The following TOP1 variants were observed in gnomAD, a reference collection of about 807,000 sequenced individuals.
TOP1 encodes the protein DNA topoisomerase 1.
In TOP1, 10 loss-of-function variants were observed where a neutral mutation model predicts 111.1. The observed-to-expected ratio is 0.09, with a 90% CI of 0.06 to 0.15. The LOEUF is 0.15. Among genes scored for constraint, TOP1 ranks in the 10% least tolerant of loss-of-function variants. The pLI, the probability that TOP1 is intolerant of heterozygous loss-of-function variation, is 1.00. For synonymous variants in TOP1, 271 were observed against 302.9 expected, an observed-to-expected ratio of 0.89 and a Z score of 1.10; for missense variants, 474 against 926.7, an observed-to-expected ratio of 0.51 and a Z score of 6.34.
At chr20:41,059,249 T>C (rs2033512518) in intron 2 of TOP1, among the ~76,000 whole-genome samples, 1 of 151,688 alleles carries the variant, frequency 6.6e-6, no homozygotes, top group African/African-American at 2.4e-5. Context: ...GATGAAATAA[T>C]CTGTACAACA....
chr20:41,099,988 G>T (rs1056370053), intron 11 of TOP1, 68 bp from the exon 12 acceptor site: 55 of 1,102,310 alleles, frequency 5.0e-5, no homozygotes, highest in Non-Finnish European at 6.7e-5. Flanking sequence ...TCTCCCACAA[G>T]AGATAAAATG....
Position 41,069,685 on chromosome 20 carries a change from A to G in TOP1, c.156-6486A>G, listed in dbSNP as rs959781340. On this transcript the variant is annotated intron_variant, in intron 3 of 20. Transcript: ENST00000361337. The surrounding 1 kb of genome is among the most constrained non-coding windows in gnomAD (Gnocchi z 4.1). ...CAAAGCCTAGTATAATATCATGCAG[A>G]TAAATTGGAGCTCTTGAGTTTGGTA... Among the ~76,000 whole-genome samples, 6 of 152,254 alleles carry G rather than the reference A, an allele frequency of 3.9e-5. No individual in the cohort carries two copies. The highest frequency in any genetic ancestry group is 8.8e-5 in the Non-Finnish European group (6 of 68,040).
chr20:41,073,058 T>A (rs962819675), intron 3 of TOP1: 1 of 985,370 alleles, frequency 1.0e-6, no homozygotes, highest in Non-Finnish European at 1.2e-6. Context: ...AGAGGAAATA[T>A]CGTTGACTTT....
At position 41,029,837 on chromosome 20, in the gene TOP1, CTT is replaced by C; in HGVS notation, c.58+384_58+385del. 3.4e-6 allele frequency: 1 copy of C among 293,032 alleles called. No homozygotes were observed. The highest frequency in any genetic ancestry group is 6.6e-6 in the Non-Finnish European group (1 of 151,162). The allele number at this position is 293,032 out of a possible 1,614,324, so 18.2% of individuals were successfully genotyped here. A position where few individuals can be genotyped will look rare whatever the true frequency, so the allele number is the denominator to read the frequency against. On this transcript the variant is annotated intron_variant, in intron 2 of 20. Transcript: ENST00000361337. This position sits in a 1 kb window ranked among gnomAD's most constrained non-coding sequence, Gnocchi z 6.1. Reference sequence around the variant, plus strand: ...GTCTCTTTCTCTCCCTCCCTCGGCTCTTTCCTTGAGCTGCCCAGAATGAGCTT... The same window carrying C: ...GTCTCTTTCTCTCCCTCCCTCGGCTCTCCTTGAGCTGCCCAGAATGAGCTT...
chr20:41,097,944 G>A lies in TOP1; in HGVS notation c.853-271G>A, dbSNP rs1487785972. Reference sequence around the variant, plus strand: ...CTTGTATTCATAATGCCTGGGGGCTGTGTGCCACGGAGTCTAAGAAACCAC... The same window carrying A: ...CTTGTATTCATAATGCCTGGGGGCTATGTGCCACGGAGTCTAAGAAACCAC... On this transcript the variant is annotated intron_variant, in intron 10 of 20. Transcript: ENST00000361337. This position sits in a 1 kb window ranked among gnomAD's most constrained non-coding sequence, Gnocchi z 4.2. 2.6e-5 allele frequency among the ~76,000 whole-genome samples: 4 copies of A among 152,184 alleles called. No individual in the cohort carries two copies. The highest frequency in any genetic ancestry group is 9.7e-5 in the African/African-American group (4 of 41,448).
intron 9 of TOP1, among the ~76,000 whole-genome samples, chr20:41,096,199 T>C (rs909917292): frequency 6.6e-6 from 1 of 152,212 alleles, no homozygotes; most frequent in African/African-American, 2.4e-5. Context: ...CCTGAGTAGC[T>C]GGAGTTACAG....
At chr20:41,108,193 C>A (rs1021473047) in intron 13 of TOP1, among the ~76,000 whole-genome samples, 12 of 152,168 alleles carry the variant, frequency 7.9e-5, no homozygotes, top group Admixed American at 2.0e-4. Context: ...TGCTCAGCCT[C>A]CAGAGATGTC....
At chr20:41,043,814 C>T (rs1600555837) in intron 2 of TOP1, among the ~76,000 whole-genome samples, 1 of 152,186 alleles carries the variant, frequency 6.6e-6, no homozygotes, top group Non-Finnish European at 1.5e-5. Context: ...CAAAGGAGGA[C>T]AAGCCTACAG....
chr20:41,029,002 C>A lies in TOP1; in HGVS notation c.-66C>A, dbSNP rs2033077798. ...GGAGTCCCCGTCCGCCCGCACAGGC[C>A]GGTTCGCCGTCTGCGTCTCCCCCAC... On this transcript the variant is annotated 5_prime_UTR_variant, in exon 1 of 21. Coordinates refer to ENST00000361337, the MANE Select transcript of TOP1 (RefSeq NM_003286.4). This position sits in a 1 kb window ranked among gnomAD's most constrained non-coding sequence, Gnocchi z 6.1. The A allele has an allele frequency of 4.2e-6, 6 of 1,443,228 alleles. No individual in the cohort carries two copies. The highest frequency in any genetic ancestry group is 5.6e-6 in the Non-Finnish European group (6 of 1,065,732). 89.4% of individuals were successfully genotyped at this position (1,443,228 alleles called of 1,614,324 possible). A position where few individuals can be genotyped will look rare whatever the true frequency, so the allele number is the denominator to read the frequency against.
chr20:41,054,442 C>A (rs1471242886), intron 2 of TOP1, among the ~76,000 whole-genome samples: 1 of 152,152 alleles, frequency 6.6e-6, no homozygotes. Flanking sequence ...TCAATTAAAC[C>A]TCTTTATAAA....
intron 4 of TOP1, among the ~76,000 whole-genome samples, chr20:41,077,200 A>G (rs138272106): frequency 1.3e-3 from 199 of 152,300 alleles, no homozygotes; most frequent in African/African-American, 4.6e-3. Context: ...GATTACAGGC[A>G]TGAGCCATCA....
rs1449710933 is a variant in TOP1, at chr20:41,080,027, T to C, written c.336-58T>C. The C allele has an allele frequency of 1.0e-6, 1 of 992,422 alleles. No individual in the cohort carries two copies. Among genetic ancestry groups the C allele is most frequent in the Non-Finnish European group, 1.6e-6 (1 of 633,734 alleles). 61.5% of individuals were successfully genotyped at this position (992,422 alleles called of 1,614,324 possible). ...TCAACGAAATGACATATTCCTTCTT[T>C]GTATTAATAGAATACAGATGTTCTA... is the stretch of plus-strand genomic sequence containing the variant. On this transcript the variant is annotated intron_variant, in intron 5 of 20. Coordinates refer to ENST00000361337, the MANE Select transcript of TOP1 (RefSeq NM_003286.4). This position sits in a 1 kb window ranked among gnomAD's most constrained non-coding sequence, Gnocchi z 5.0.
intron 13 of TOP1, among the ~76,000 whole-genome samples, chr20:41,111,917 T>G (rs2034248748): frequency 6.6e-6 from 1 of 152,194 alleles, no homozygotes; most frequent in Non-Finnish European, 1.5e-5. Context: ...TGCTTGTGAG[T>G]CTATTTTCAT....
At chr20:41,108,119 A>G (rs1600596002) in intron 13 of TOP1, among the ~76,000 whole-genome samples, 1 of 152,328 alleles carries the variant, frequency 6.6e-6, no homozygotes, top group East Asian at 1.9e-4. Context: ...GTTTTACTTC[A>G]TGGAGGGCTT....
At chr20:41,088,397 GGAGGCT>G (rs2145943203) in intron 8 of TOP1, among the ~76,000 whole-genome samples, 1 of 152,344 alleles carries the variant, frequency 6.6e-6, no homozygotes, top group African/African-American at 2.4e-5. Context: ...CAGGTACTCA[GGAGGCT>G]GAGGCGCGAG....
Position 41,114,238 on chromosome 20 carries a change from CTTTGCTGGGCA to C in TOP1, c.1638+84_1638+94del. ...TGACTGCTTTTTTGTGTGCTTTGCA[CTTTGCTGGGCA>C]CCAGCAAAAGTGACTTGAGACAGGC... is the stretch of plus-strand genomic sequence containing the variant. On this transcript the variant is annotated intron_variant, in intron 15 of 20. Coordinates refer to ENST00000361337, the MANE Select transcript of TOP1 (RefSeq NM_003286.4). This position sits in a 1 kb window ranked among gnomAD's most constrained non-coding sequence, Gnocchi z 4.5. 7.9e-7 allele frequency: 1 copy of C among 1,264,046 alleles called. No individual in the cohort carries two copies. Among genetic ancestry groups the C allele is most frequent in the Non-Finnish European group, 1.1e-6 (1 of 895,064 alleles). 78.3% of individuals were successfully genotyped at this position (1,264,046 alleles called of 1,614,324 possible). A position where few individuals can be genotyped will look rare whatever the true frequency, so the allele number is the denominator to read the frequency against.
intron 2 of TOP1, among the ~76,000 whole-genome samples, chr20:41,048,978 G>A (rs1369967795): frequency 6.6e-6 from 1 of 152,132 alleles, no homozygotes; most frequent in African/African-American, 2.4e-5. Flanking sequence ...GACAGGAAGG[G>A]GTTGTGGAGA....
In TOP1 at chr20:41,092,992, A is replaced by G. The variant is rs1035320668; in HGVS notation, c.730+405A>G. On this transcript the variant is annotated intron_variant, in intron 9 of 20. Transcript: ENST00000361337. The surrounding 1 kb of genome is among the most constrained non-coding windows in gnomAD (Gnocchi z 4.3). The stretch of plus-strand genomic sequence containing the variant: ...AATCGGACAAGCTGCTCATCACTAG[A>G]AACAGTATTAGTATATGGTCGAGGA... 2.6e-5 allele frequency among the ~76,000 whole-genome samples: 4 copies of G among 152,200 alleles called. No homozygotes were observed. The highest frequency in any genetic ancestry group is 9.7e-5 in the African/African-American group (4 of 41,440).
rs767480532 is a variant in TOP1, at chr20:41,122,973, C to G, written c.2196-222C>G. The stretch of plus-strand genomic sequence containing the variant: ...CGTCTCTGCCTCAGTTTCATCTGTA[C>G]GTTTTTCACTTGTACATCTGCAGAA... On this transcript the variant is annotated intron_variant, in intron 20 of 20. Coordinates refer to ENST00000361337, the MANE Select transcript of TOP1 (RefSeq NM_003286.4). This position sits in a 1 kb window ranked among gnomAD's most constrained non-coding sequence, Gnocchi z 5.4. 4.6e-5 allele frequency among the ~76,000 whole-genome samples: 7 copies of G among 152,188 alleles called. No homozygotes were observed. The highest frequency in any genetic ancestry group is 4.6e-4 in the Admixed American group (7 of 15,274).
Sources: allele counts gnomAD v4.1 joint callset (sites outside exome capture counted in the v4.1 genomes callset), GRCh38; gene constraint gnomAD v4.1.1; non-coding constraint Gnocchi (gnomAD v3.1); transcripts MANE v1.5; gene names NCBI Gene and HGNC (gene_info 2026-07-23, HGNC 2026-07-21).